Variants in FRY observed in about 807,000 individuals in gnomAD.
FRY encodes the protein FRY microtubule binding protein.
A neutral mutation model predicts 348.4 loss-of-function variants in FRY; 128 were observed. That is an observed-to-expected ratio of 0.37 (90% CI 0.32 to 0.43). The LOEUF is 0.43. FRY is among the 20% of genes least tolerant of loss of function. The probability of loss-of-function intolerance (pLI) is 1.00; values close to 1 mark genes in which losing one functional copy is unlikely to be tolerated. For synonymous variants in FRY, 1,370 were observed against 1,374.7 expected (o/e 1.00, Z 0.08); for missense variants, 2,736 against 3,695.2 (o/e 0.74, Z 6.73).
chr13:32,134,226 A>C (rs537185015), intron 8 of FRY, among the ~76,000 whole-genome samples: 29 of 152,328 alleles, frequency 1.9e-4, no homozygotes, highest in African/African-American at 6.7e-4. Context: ...AAATGTTGGC[A>C]GGCCAACTTT....
At chr13:32,035,654 A>C (rs939251123) in intron 1 of FRY, among the ~76,000 whole-genome samples, 1 of 152,240 alleles carries the variant, frequency 6.6e-6, no homozygotes, top group Non-Finnish European at 1.5e-5. Flanking sequence ...ATGAAGGTAC[A>C]TTCAGAATCT....
chr13:32,081,280 A>C (rs1438042552), intron 2 of FRY, among the ~76,000 whole-genome samples: 1 of 152,184 alleles, frequency 6.6e-6, no homozygotes, highest in East Asian at 1.9e-4. Context: ...AACAAGACAC[A>C]CTTGATGTTT....
At chr13:32,281,178 G>C (rs1024714368) in intron 58 of FRY, among the ~76,000 whole-genome samples, 9 of 152,092 alleles carry the variant, frequency 5.9e-5, no homozygotes, top group Admixed American at 4.6e-4. Context: ...TACTATAAAG[G>C]CTTGAGAGTA....
intron 48 of FRY, among the ~76,000 whole-genome samples, chr13:32,248,154 C>A (rs1359174173): frequency 6.6e-6 from 1 of 152,154 alleles, no homozygotes; most frequent in Non-Finnish European, 1.5e-5. Context: ...GACTCATGAA[C>A]CCCCAAAGCA....
intron 46 of FRY, among the ~76,000 whole-genome samples, 158 bp downstream of exon 46, chr13:32,240,039 G>T (rs1258461768): frequency 6.6e-6 from 1 of 152,154 alleles, no homozygotes; most frequent in Non-Finnish European, 1.5e-5. Flanking sequence ...GCTTTGAAAT[G>T]AAGGATAAAA....
chr13:32,173,197 A>C (rs1882190932), intron 18 of FRY, among the ~76,000 whole-genome samples, 170 bp from the exon 19 acceptor site: 1 of 152,214 alleles, frequency 6.6e-6, no homozygotes. Flanking sequence ...AAGGGGATCT[A>C]GGATATTTCA....
In FRY at chr13:32,078,941, A is replaced by C. The variant is rs1229606789; in HGVS notation, c.178A>C (p.Ser60Arg). 6.2e-7 allele frequency: 1 copy of C among 1,613,834 alleles called. No individual in the cohort carries two copies. Among genetic ancestry groups the C allele is most frequent in the African/African-American group, 1.3e-5 (1 of 74,924 alleles). The change falls in exon 2 of 61, where the codon AGT (serine) becomes CGT (arginine). Residue 60 changes from serine (S) to arginine (R), a missense_variant. Ser to Arg is a moderately radical substitution (Grantham distance 110). Transcript: ENST00000542859. ...TMLPINVDPD[S>R]KPGEYVLKSL... ...GCTACCCATCAATGTGGACCCAGAC[A>C]GTAAACCAGGAGAATATGTCCTCAA...
At chr13:32,033,429 A>G (rs1419778817) in intron 1 of FRY, among the ~76,000 whole-genome samples, 3 of 152,226 alleles carry the variant, frequency 2.0e-5, no homozygotes, top group Admixed American at 1.3e-4. Context: ...GCATCATTAA[A>G]TAGAAAATTA....
At chr13:32,122,072 G>A (rs1411904641) in intron 4 of FRY, among the ~76,000 whole-genome samples, 10 of 151,984 alleles carry the variant, frequency 6.6e-5, no homozygotes, top group East Asian at 1.9e-4. Context: ...ATGTTTTGTC[G>A]AAGATCAGTT....
chr13:32,080,731 G>A (rs1039967127), intron 2 of FRY, among the ~76,000 whole-genome samples: 1 of 152,168 alleles, frequency 6.6e-6, no homozygotes, highest in Non-Finnish European at 1.5e-5. Flanking sequence ...GGTGGAGGGA[G>A]GGAAGCTACC....
chr13:32,101,026 C>T (rs1877131444), intron 2 of FRY, among the ~76,000 whole-genome samples: 1 of 152,196 alleles, frequency 6.6e-6, no homozygotes, highest in Non-Finnish European at 1.5e-5. Flanking sequence ...TTATTAACTG[C>T]AGTCACCATG....
At chr13:32,044,414 C>T (rs1283625000) in intron 1 of FRY, among the ~76,000 whole-genome samples, 1 of 152,198 alleles carries the variant, frequency 6.6e-6, no homozygotes, top group Admixed American at 6.5e-5. Flanking sequence ...TGAAGGACTG[C>T]CATGTTTCAG....
chr13:32,272,079 T>G (rs1178864081), intron 55 of FRY, among the ~76,000 whole-genome samples: 1 of 152,230 alleles, frequency 6.6e-6, no homozygotes, highest in Non-Finnish European at 1.5e-5. Context: ...CTTGAGAACT[T>G]TCTCAACCCT....
At chr13:32,074,815 A>G (rs763287414) in intron 1 of FRY, among the ~76,000 whole-genome samples, 2 of 152,174 alleles carry the variant, frequency 1.3e-5, no homozygotes, top group Non-Finnish European at 1.5e-5. Flanking sequence ...TCATTGGGAG[A>G]GATCCCTATT....
intron 7 of FRY, among the ~76,000 whole-genome samples, chr13:32,127,209 A>G (rs907056067): frequency 2.0e-5 from 3 of 152,176 alleles, no homozygotes; most frequent in Non-Finnish European, 4.4e-5. Context: ...TTTATGCGAT[A>G]TTATCTTTAT....
chr13:32,234,575 C>T lies in FRY; in HGVS notation c.5529C>T (p.Gly1843=), dbSNP rs780833732. ...ATTCTGTGGCTCTTGTTACCCTAGGCTTCCATCTGGAGCACCAGTTGAGTG... is the reference window on the plus strand; with the variant it reads ...ATTCTGTGGCTCTTGTTACCCTAGGTTTCCATCTGGAGCACCAGTTGAGTG... The part of the protein sequence containing the change: ...VVSVFKDSKS[G]FHLEHQLSEV... The change falls in exon 42 of 61, where the codon GGC becomes GGT. Residue 1843 remains glycine (G), a splice_region_variant and synonymous_variant. Coordinates refer to ENST00000542859, the MANE Select transcript of FRY (RefSeq NM_023037.3). 1 of 1,613,760 alleles carries T rather than the reference C, an allele frequency of 6.2e-7. No homozygotes were observed. Among genetic ancestry groups the T allele is most frequent in the Admixed American group, 1.7e-5 (1 of 60,030 alleles).
intron 14 of FRY, 89 bp from the exon 15 acceptor site, chr13:32,155,402 T>C: frequency 1.1e-6 from 1 of 919,440 alleles, no homozygotes; most frequent in East Asian, 2.4e-5. Context: ...TACATGCAAT[T>C]CAGTCTTAAC....
At chr13:32,055,334 T>C (rs941026894) in intron 1 of FRY, among the ~76,000 whole-genome samples, 1 of 152,178 alleles carries the variant, frequency 6.6e-6, no homozygotes, top group African/African-American at 2.4e-5. Flanking sequence ...TGAGCCACCA[T>C]GCCTGGCCTA....
In FRY at chr13:32,081,138, C is replaced by T. The variant is rs1302234903; in HGVS notation, c.270+2105C>T. On this transcript the variant is annotated intron_variant, in intron 2 of 60. Transcript: ENST00000542859. Reference sequence around the variant, plus strand: ...ATAGCATTCTTTTAATAGAAGTAGACATTTTTGTTCCTCTCTATGAAACAA... The same window carrying T: ...ATAGCATTCTTTTAATAGAAGTAGATATTTTTGTTCCTCTCTATGAAACAA... Among the ~76,000 whole-genome samples, 4 of 152,110 alleles carry T rather than the reference C, an allele frequency of 2.6e-5. No individual in the cohort carries two copies. In the East Asian group the frequency reaches 7.7e-4, roughly 29 times the overall value.
Sources: allele counts gnomAD v4.1 joint callset (sites outside exome capture counted in the v4.1 genomes callset), GRCh38; gene constraint gnomAD v4.1.1; transcripts MANE v1.5; gene names NCBI Gene and HGNC (gene_info 2026-07-23, HGNC 2026-07-21).